Variants in DOC2A observed in about 807,000 individuals in gnomAD.
DOC2A encodes the protein double C2-like domain-containing protein alpha.
Under a neutral mutation model 40.6 loss-of-function variants are expected in DOC2A, and 28 were observed. The observed-to-expected ratio is 0.69, with a 90% confidence interval of 0.51 to 0.95. The LOEUF (loss-of-function observed/expected upper bound fraction) is 0.95, where lower values mean the gene tolerates loss of function less well. Among genes scored for constraint, DOC2A ranks in the 40% least tolerant of loss-of-function variants. The probability of loss-of-function intolerance (pLI) is 0.00; values close to 1 mark genes in which losing one functional copy is unlikely to be tolerated. For synonymous variants in DOC2A, 241 were observed against 236.9 expected, an observed-to-expected ratio of 1.02 and a Z score of -0.16; for missense variants, 474 against 552.5, an observed-to-expected ratio of 0.86 and a Z score of 1.42.
At chr16:30,007,482 G>T in intron 5 of DOC2A, 183 bp from the exon 6 acceptor site, 1 of 761,348 alleles carries the variant, frequency 1.3e-6, no homozygotes, top group Non-Finnish European at 2.2e-6. Flanking sequence ...CAGCCACCCG[G>T]CTGTCCCTGG....
At chr16:30,013,883 G>C (rs1202236222), upstream of DOC2A, among the ~76,000 whole-genome samples, 1 of 151,856 alleles carries the variant, frequency 6.6e-6, no homozygotes, top group South Asian at 2.1e-4. Context: ...ACTTGGCTAA[G>C]TTTTTGTATT....
upstream of DOC2A, among the ~76,000 whole-genome samples, chr16:30,015,701 C>CTTTTTTT (rs71276819): frequency 6.5e-5 from 8 of 122,988 alleles, no homozygotes; most frequent in Non-Finnish European, 1.3e-4. Context: ...CTTCCTTTTT[C>CTTTTTTT]TTTTTTTTTT....
chr16:30,006,103 C>G lies in DOC2A; in HGVS notation c.*83G>C. On this transcript the variant is annotated 3_prime_UTR_variant, in exon 11 of 11. Transcript: ENST00000350119. This position sits in a 1 kb window ranked among gnomAD's most constrained non-coding sequence, Gnocchi z 6.2. ...TAGTGCAGGGTGGGGGCAGCCCACC[C>G]TGTGTAAACGTGCAACACACTCGTG... is the stretch of plus-strand genomic sequence containing the variant. The G allele has an allele frequency of 6.8e-7, 1 of 1,471,464 alleles. No homozygotes were observed. The highest frequency in any genetic ancestry group is 9.1e-7 in the Non-Finnish European group (1 of 1,098,866). The allele number at this position is 1,471,464 out of a possible 1,614,324, so 91.2% of individuals were successfully genotyped here.
rs1162234115 is a variant in DOC2A at position 30,006,468 on chromosome 16, C to A, written c.1002G>T (p.Lys334Asn). The A allele has an allele frequency of 6.2e-7, 1 of 1,613,818 alleles. No homozygotes were observed. The change falls in exon 10 of 11, where the codon AAG (lysine) becomes AAT (asparagine). Residue 334 changes from lysine (K) to asparagine (N), a missense_variant. Physicochemically the swap from Lys to Asn is moderately conservative, Grantham distance 94 (BLOSUM62 0). Transcript: ENST00000350119. The surrounding 1 kb of genome is among the most constrained non-coding windows in gnomAD (Gnocchi z 6.2). The part of the protein sequence containing the change: ...YEIELSTLAT[K>N]TLEVTVWDYD... ...AGTCCCAGACGGTGACTTCCAGGGT[C>A]TTGGTGGCCAGAGTGGAGAGCTCTA...
At chr16:30,016,208 C>T (rs2070856030), upstream of DOC2A, among the ~76,000 whole-genome samples, 2 of 151,010 alleles carry the variant, frequency 1.3e-5, no homozygotes, top group African/African-American at 4.9e-5. Flanking sequence ...ACCACCATGC[C>T]TGGCTAATTG....
In DOC2A at chr16:30,006,685, TG is replaced by T. The variant is rs532922507; in HGVS notation, c.879-9del. ...ACATCGGGCCTCAGGTACCTGGGGG[TG>T]GGGTGGAGGGAGACGAACTGAGGGG... On this transcript the variant is annotated splice_polypyrimidine_tract_variant and intron_variant, in intron 8 of 10. Coordinates refer to ENST00000350119, the MANE Select transcript of DOC2A (RefSeq NM_003586.3). This position sits in a 1 kb window ranked among gnomAD's most constrained non-coding sequence, Gnocchi z 6.2. 2.8e-3 allele frequency: 4,464 copies of T among 1,611,892 alleles called. 4 individuals are homozygous for T. The highest frequency in any genetic ancestry group is 3.6e-3 in the Non-Finnish European group (4,253 of 1,179,502).
chr16:30,016,055 A>ATAT (rs1163519904), upstream of DOC2A, among the ~76,000 whole-genome samples: 60 of 16,880 alleles, frequency 3.6e-3, no homozygotes, highest in Non-Finnish European at 4.8e-3. Context: ...ATATATATAT[A>ATAT]TTTTTTTTTT....
intron 1 of DOC2A, among the ~76,000 whole-genome samples, chr16:30,020,034 G>A (rs1159931276): frequency 3.3e-5 from 5 of 151,880 alleles, no homozygotes; most frequent in Non-Finnish European, 5.9e-5. Flanking sequence ...TCAGCCTCCC[G>A]AGTAGCTGGG....
In DOC2A at chr16:30,006,971, C is replaced by G; in HGVS notation, c.715-23G>C. 6.2e-7 allele frequency: 1 copy of G among 1,613,770 alleles called. No individual in the cohort carries two copies. Among genetic ancestry groups the G allele is most frequent in the Non-Finnish European group, 8.5e-7 (1 of 1,179,812 alleles). ...CAACTGCGGGGCACAGACTCAGGGT[C>G]AGCCTGGGCCCCTGCAGCCTCCCAC... On this transcript the variant is annotated intron_variant, in intron 7 of 10. Transcript: ENST00000350119. The surrounding 1 kb of genome is among the most constrained non-coding windows in gnomAD (Gnocchi z 6.2).
rs1007643898 is a variant in DOC2A at position 30,009,550 on chromosome 16, T to C, written c.270A>G (p.Leu90=). The change falls in exon 3 of 11, where the codon CTA becomes CTG. Residue 90 remains leucine, a synonymous_variant. Coordinates refer to ENST00000350119, the MANE Select transcript of DOC2A (RefSeq NM_003586.3). The surrounding 1 kb of genome is among the most constrained non-coding windows in gnomAD (Gnocchi z 4.1). ...AGAGAAGGTCAAACTCCAGCGTGCC[T>C]AGGGCGGCTGGAGAGAGAGGAAAGG... ...DSYDSDDATA[L]GTLEFDLLYD... is the part of the protein sequence containing the mutation. 1.3e-6 allele frequency: 2 copies of C among 1,551,178 alleles called. No individual in the cohort carries two copies. The highest frequency in any genetic ancestry group is 1.7e-6 in the Non-Finnish European group (2 of 1,146,922).
At chr16:30,007,414 A>G (rs1174680647) in intron 5 of DOC2A, 115 bp from the exon 6 acceptor site, 1 of 1,445,986 alleles carries the variant, frequency 6.9e-7, no homozygotes, top group African/African-American at 1.4e-5. Context: ...CATCTGGAAG[A>G]CAGGCTGGCA....
In DOC2A at chr16:30,009,451, CG is replaced by C. The variant is rs1567282243; in HGVS notation, c.342+26del. 19 of 1,550,110 alleles carry C rather than the reference CG, an allele frequency of 1.2e-5. No individual in the cohort carries two copies. The highest frequency in any genetic ancestry group is 1.6e-5 in the Non-Finnish European group (18 of 1,146,140). On this transcript the variant is annotated intron_variant, in intron 3 of 10. Transcript: ENST00000350119. This position sits in a 1 kb window ranked among gnomAD's most constrained non-coding sequence, Gnocchi z 4.1. ...CTGGGGGCTGCACGCAAACCGGGCCCGGGCTTGGGTGGCAGGGAGTGCCCAC... is the reference window on the plus strand; with the variant it reads ...CTGGGGGCTGCACGCAAACCGGGCCCGGCTTGGGTGGCAGGGAGTGCCCAC...
chr16:30,023,225 G>C, upstream of DOC2A: 3 of 856,040 alleles, frequency 3.5e-6, no homozygotes, highest in South Asian at 4.5e-5. Flanking sequence ...CTTCTGATGA[G>C]AGTGAGGGAT....
At chr16:30,013,179 A>G (rs1397039614), upstream of DOC2A, among the ~76,000 whole-genome samples, 9 of 149,786 alleles carry the variant, frequency 6.0e-5, no homozygotes, top group Non-Finnish European at 1.2e-4. Flanking sequence ...AAAAAAAAAA[A>G]AAAAAAATCC....
intron 1 of DOC2A, among the ~76,000 whole-genome samples, chr16:30,018,299 G>A (rs1478516020): frequency 6.7e-6 from 1 of 148,980 alleles, no homozygotes; most frequent in African/African-American, 2.5e-5. Flanking sequence ...AAAAAAGAAA[G>A]AAAGAAAATT....
At chr16:30,007,141 TC>T (rs761980118) in intron 6 of DOC2A, 31 bp downstream of exon 6, 1 of 1,613,512 alleles carries the variant, frequency 6.2e-7, no homozygotes, top group South Asian at 1.1e-5. Flanking sequence ...CAGGGCCCCC[TC>T]CCCTGGCGCC....
At position 30,005,554 on chromosome 16, in the gene DOC2A, G is replaced by T; in HGVS notation, c.*632C>A. On this transcript the variant is annotated 3_prime_UTR_variant, in exon 11 of 11. Coordinates refer to ENST00000350119, the MANE Select transcript of DOC2A (RefSeq NM_003586.3). Reference sequence around the variant, plus strand: ...TATTGATGCCCAGCTGCCATGCTCCGGCCACTGACACAACCAGAAAAGGCG... The same window carrying T: ...TATTGATGCCCAGCTGCCATGCTCCTGCCACTGACACAACCAGAAAAGGCG... 7 of 1,037,090 alleles carry T rather than the reference G, an allele frequency of 6.7e-6. No individual in the cohort carries two copies. Among genetic ancestry groups the T allele is most frequent in the Non-Finnish European group, 1.0e-5 (7 of 700,236 alleles). The allele number at this position is 1,037,090 out of a possible 1,614,324, so 64.2% of individuals were successfully genotyped here. A position where few individuals can be genotyped will look rare whatever the true frequency, so the allele number is the denominator to read the frequency against.
chr16:30,006,337 G>A lies in DOC2A; in HGVS notation c.1058-6C>T, dbSNP rs1300915836. 3 of 1,612,080 alleles carry A rather than the reference G, an allele frequency of 1.9e-6. No individual in the cohort carries two copies. The highest frequency in any genetic ancestry group is 2.5e-6 in the Non-Finnish European group (3 of 1,179,726). ...TGGCCCCAGGGACACGCCACCTGGGGAGCAGGTGGGCAGGGTCAGGGCCAC... is the reference window on the plus strand; with the variant it reads ...TGGCCCCAGGGACACGCCACCTGGGAAGCAGGTGGGCAGGGTCAGGGCCAC... On this transcript the variant is annotated splice_region_variant and splice_polypyrimidine_tract_variant and intron_variant, in intron 10 of 10. Transcript: ENST00000350119. This position sits in a 1 kb window ranked among gnomAD's most constrained non-coding sequence, Gnocchi z 6.2.
upstream of DOC2A, among the ~76,000 whole-genome samples, chr16:30,013,158 C>CAAAAA (rs1171077200): frequency 2.6e-4 from 10 of 39,184 alleles, no homozygotes; most frequent in Non-Finnish European, 3.5e-4. Flanking sequence ...CCTGTCTCTA[C>CAAAAA]AAAAAAAAAA....
Sources: gnomAD v4.1 joint callset for allele counts (sites outside exome capture counted in the v4.1 genomes callset) on GRCh38, gnomAD v4.1.1 for gene constraint, Gnocchi (gnomAD v3.1) non-coding constraint, MANE v1.5 for transcripts, NCBI Gene and HGNC (gene_info 2026-07-23, HGNC 2026-07-21) for gene names.